SYN2: variants seen among roughly 807,000 people sequenced by gnomAD.
SYN2 encodes synapsin-2.
Under a neutral mutation model 50.9 loss-of-function variants are expected in SYN2, and 19 were observed. That is an observed-to-expected ratio of 0.37 (90% CI 0.26 to 0.55). SYN2 has a LOEUF of 0.55. Ranked by LOEUF, SYN2 falls within the 20% of genes least tolerant of loss-of-function variation. SYN2 has a pLI of 0.81. For missense variants in SYN2, 587 were observed against 576.4 expected, an observed-to-expected ratio of 1.02 and a Z score of -0.19; for synonymous variants, 255 against 224.9, an observed-to-expected ratio of 1.13 and a Z score of -1.20.
In SYN2 at chr3:12,107,805, A is replaced by T. The variant is rs538341022; in HGVS notation, c.378-32846A>T. On this transcript the variant is annotated intron_variant, in intron 1 of 12. Coordinates refer to ENST00000621198, the MANE Select transcript of SYN2 (RefSeq NM_133625.6). ...ATCATCTCTGACTTTTCAGTGCAGG[A>T]TGGGGTTTTAACCCAACATTTCCTA... Among the ~76,000 whole-genome samples, 293 of 152,304 alleles carry T rather than the reference A, an allele frequency of 1.9e-3. 1 individual carries two copies. The highest frequency in any genetic ancestry group is 3.4e-3 in the Non-Finnish European group (232 of 68,030).
At chr3:12,132,792 A>G (rs1696822114) in intron 1 of SYN2, among the ~76,000 whole-genome samples, 2 of 152,182 alleles carry the variant, frequency 1.3e-5, no homozygotes, top group Admixed American at 1.3e-4. Flanking sequence ...CTTTCTAGTG[A>G]TAACTAACAT....
At chr3:12,168,540 A>C in intron 9 of SYN2, 62 bp downstream of exon 9, 27 of 1,369,856 alleles carry the variant, frequency 2.0e-5, no homozygotes, top group East Asian at 2.3e-5. Flanking sequence ...TGGGCAGCTC[A>C]GACTGCCTTT....
At position 12,088,131 on chromosome 3, in the gene SYN2, G is replaced by A. The variant is rs532809186; in HGVS notation, c.378-52520G>A. 3.3e-5 allele frequency among the ~76,000 whole-genome samples: 5 copies of A among 152,218 alleles called. No homozygotes were observed. In the East Asian group the frequency reaches 5.8e-4, roughly 18 times the overall value. On this transcript the variant is annotated intron_variant, in intron 1 of 12. Coordinates refer to ENST00000621198, the MANE Select transcript of SYN2 (RefSeq NM_133625.6). ...AACAACAGAGTGAAGAGACAACCACGGATTGGGAGAAAATATTTGCAAACC... is the reference window on the plus strand; with the variant it reads ...AACAACAGAGTGAAGAGACAACCACAGATTGGGAGAAAATATTTGCAAACC...
At chr3:12,151,382 C>A in intron 5 of SYN2, 56 bp downstream of exon 5, 2 of 1,408,470 alleles carry the variant, frequency 1.4e-6, no homozygotes, top group South Asian at 1.2e-5. Context: ...TGCACTTAGC[C>A]ACCTGGTTAT....
intron 1 of SYN2, among the ~76,000 whole-genome samples, chr3:12,126,593 G>A (rs1184723016): frequency 6.6e-6 from 1 of 152,174 alleles, no homozygotes; most frequent in African/African-American, 2.4e-5. Flanking sequence ...TATTTTAGTT[G>A]TAGTATGAAG....
At chr3:12,029,802 A>C (rs1694341281) in intron 1 of SYN2, among the ~76,000 whole-genome samples, 2 of 88,466 alleles carry the variant, frequency 2.3e-5, no homozygotes, top group Non-Finnish European at 4.0e-5. Flanking sequence ...TTTTCTAGAT[A>C]AACAATCATG....
intron 4 of SYN2, among the ~76,000 whole-genome samples, 171 bp from the exon 5 acceptor site, chr3:12,151,066 A>G (rs1697274161): frequency 6.6e-6 from 1 of 152,230 alleles, no homozygotes; most frequent in African/African-American, 2.4e-5. Context: ...TCCCCAACTA[A>G]TGCGTATCAT....
chr3:12,156,780 A>C, intron 5 of SYN2: 16 of 1,446,032 alleles, frequency 1.1e-5, no homozygotes, highest in Non-Finnish European at 1.5e-5. Context: ...CTAGGGCAGA[A>C]TCTATTATAT....
intron 1 of SYN2, among the ~76,000 whole-genome samples, chr3:12,052,182 G>A (rs1390169205): frequency 6.6e-6 from 1 of 152,126 alleles, no homozygotes; most frequent in African/African-American, 2.4e-5. Context: ...TAGACTGTAT[G>A]CTATATATCA....
At chr3:12,022,583 T>C (rs1472222638) in intron 1 of SYN2, among the ~76,000 whole-genome samples, 1 of 151,812 alleles carries the variant, frequency 6.6e-6, no homozygotes, top group Non-Finnish European at 1.5e-5. Flanking sequence ...AATTTTTGTA[T>C]TTTTTTAGTA....
chr3:12,053,152 G>A (rs965074727), intron 1 of SYN2, among the ~76,000 whole-genome samples: 1 of 152,164 alleles, frequency 6.6e-6, no homozygotes, highest in Non-Finnish European at 1.5e-5. Flanking sequence ...GCCAGGCACG[G>A]TGGCTCATGC....
chr3:12,178,463 C>A (rs1026321829), intron 10 of SYN2, among the ~76,000 whole-genome samples: 10 of 152,210 alleles, frequency 6.6e-5, no homozygotes, highest in African/African-American at 2.4e-4. Flanking sequence ...CACAAACCCT[C>A]ATCCATGGGC....
In SYN2 at chr3:12,068,083, A is replaced by G. The variant is rs114012795; in HGVS notation, c.377+63155A>G. ...CGAATGAATGAATGAATGAATGAAT[A>G]AATAAAAATTTGAACTCAAATGTAA... On this transcript the variant is annotated intron_variant, in intron 1 of 12. Coordinates refer to ENST00000621198, the MANE Select transcript of SYN2 (RefSeq NM_133625.6). Among the ~76,000 whole-genome samples, 1,035 of 152,266 alleles carry G rather than the reference A, an allele frequency of 6.8e-3. 7 individuals carry two copies. The highest frequency in any genetic ancestry group is 0.023 in the African/African-American group (976 of 41,540).
At chr3:12,169,043 G>T (rs1006272363) in intron 9 of SYN2, among the ~76,000 whole-genome samples, 2 of 152,158 alleles carry the variant, frequency 1.3e-5, no homozygotes, top group Admixed American at 1.3e-4. Context: ...GTATTTCCAG[G>T]ATATTGGTGT....
intron 1 of SYN2, among the ~76,000 whole-genome samples, chr3:12,122,873 AAGAC>A (rs1312653996): frequency 2.0e-5 from 3 of 152,164 alleles, no homozygotes; most frequent in Non-Finnish European, 4.4e-5. Flanking sequence ...AGGAACAAGA[AAGAC>A]TTAAAAAAAA....
intron 1 of SYN2, among the ~76,000 whole-genome samples, chr3:12,125,923 G>C (rs1696659029): frequency 6.6e-6 from 1 of 151,870 alleles, no homozygotes; most frequent in South Asian, 2.1e-4. Context: ...TATTACAGAG[G>C]AGATTTTTGC....
intron 1 of SYN2, among the ~76,000 whole-genome samples, chr3:12,055,271 A>G (rs983481275): frequency 3.9e-5 from 6 of 152,132 alleles, no homozygotes; most frequent in African/African-American, 7.2e-5. Flanking sequence ...TGAAAACACC[A>G]CTAAATAATT....
intron 1 of SYN2, among the ~76,000 whole-genome samples, chr3:12,059,330 G>A (rs1322036036): frequency 6.6e-6 from 1 of 152,148 alleles, no homozygotes; most frequent in Non-Finnish European, 1.5e-5. Context: ...TGAAGCAGAC[G>A]GGATAAGTGG....
intron 1 of SYN2, among the ~76,000 whole-genome samples, chr3:12,047,443 T>C (rs1694763726): frequency 6.6e-6 from 1 of 152,202 alleles, no homozygotes; most frequent in African/African-American, 2.4e-5. Context: ...GAATAAGATT[T>C]TAAATCATCA....
Sources: allele counts gnomAD v4.1 joint callset (sites outside exome capture counted in the v4.1 genomes callset), GRCh38; gene constraint gnomAD v4.1.1; transcripts MANE v1.5; gene names NCBI Gene and HGNC (gene_info 2026-07-23, HGNC 2026-07-21).